TGFB2: variants seen among roughly 807,000 people sequenced by gnomAD.
TGFB2 encodes transforming growth factor beta-2 proprotein.
A neutral mutation model predicts 42.7 loss-of-function variants in TGFB2; 13 were observed. The ratio of observed to expected loss-of-function variants is 0.30; its 90% CI spans 0.20 to 0.48. TGFB2 has a LOEUF of 0.48. Ranked by LOEUF, TGFB2 falls within the 20% of genes least tolerant of loss-of-function variation. The probability of loss-of-function intolerance (pLI) is 0.99; values close to 1 mark genes in which losing one functional copy is unlikely to be tolerated. For missense variants in TGFB2, 390 were observed against 517.5 expected (o/e 0.75, Z 2.39); for synonymous variants, 193 against 193.6 (o/e 1.00, Z 0.03).
chr1:218,368,110 A>G (rs1252929718), intron 1 of TGFB2, among the ~76,000 whole-genome samples: 1 of 142,858 alleles, frequency 7.0e-6, no homozygotes, highest in Non-Finnish European at 1.5e-5. Flanking sequence ...TGAAGAGAGG[A>G]CATTCTTATG....
At position 218,346,480 on chromosome 1, in the gene TGFB2, A is replaced by G. The variant is rs1240647468; in HGVS notation, c.-222A>G. 3 of 494,338 alleles carry G rather than the reference A, an allele frequency of 6.1e-6. No homozygotes were observed. Among genetic ancestry groups the G allele is most frequent in the Non-Finnish European group, 1.0e-5 (3 of 286,600 alleles). The allele number at this position is 494,338 out of a possible 1,614,324, so 30.6% of individuals were successfully genotyped here. On this transcript the variant is annotated 5_prime_UTR_variant, in exon 1 of 7. Coordinates refer to ENST00000366930, the MANE Select transcript of TGFB2 (RefSeq NM_003238.6). This position sits in a 1 kb window ranked among gnomAD's most constrained non-coding sequence, Gnocchi z 4.9. ...GGTTCCCTCTGCCCGTCCCGTATTAATATTTCCACTTTTGGAACTACTGGC... is the reference window on the plus strand; with the variant it reads ...GGTTCCCTCTGCCCGTCCCGTATTAGTATTTCCACTTTTGGAACTACTGGC...
intron 1 of TGFB2, among the ~76,000 whole-genome samples, chr1:218,391,201 C>A (rs767196445): frequency 1.3e-4 from 20 of 152,210 alleles, no homozygotes; most frequent in Non-Finnish European, 1.5e-4. Context: ...TTCCTGAGTT[C>A]TGTCCCACTG....
intron 1 of TGFB2, among the ~76,000 whole-genome samples, chr1:218,367,067 A>G (rs1657409458): frequency 6.6e-6 from 1 of 152,216 alleles, no homozygotes; most frequent in Non-Finnish European, 1.5e-5. Context: ...GCAAGGAAGT[A>G]AATTAATCGT....
chr1:218,389,050 C>A (rs1194163964), intron 1 of TGFB2, among the ~76,000 whole-genome samples: 1 of 152,134 alleles, frequency 6.6e-6, no homozygotes, highest in Non-Finnish European at 1.5e-5. Flanking sequence ...ACTGAGAAGT[C>A]TGGGGGAGTC....
At chr1:218,441,110 G>T in intron 6 of TGFB2, 94 bp from the exon 7 acceptor site, 2 of 1,261,642 alleles carry the variant, frequency 1.6e-6, no homozygotes, top group Middle Eastern at 1.9e-4. Context: ...ACTCAGTGCT[G>T]TGACTGCTAA....
At chr1:218,391,419 G>A (rs1449726802) in intron 1 of TGFB2, among the ~76,000 whole-genome samples, 2 of 152,176 alleles carry the variant, frequency 1.3e-5, no homozygotes, top group African/African-American at 4.8e-5. Flanking sequence ...ACCTCAGAAG[G>A]AATAAGTTCT....
chr1:218,430,155 A>G (rs952987268), intron 2 of TGFB2, among the ~76,000 whole-genome samples: 1 of 152,144 alleles, frequency 6.6e-6, no homozygotes, highest in East Asian at 1.9e-4. Context: ...TCAAGCCTGT[A>G]ATCCTAGCAC....
At chr1:218,385,422 G>C (rs1658100948) in intron 1 of TGFB2, among the ~76,000 whole-genome samples, 1 of 152,236 alleles carries the variant, frequency 6.6e-6, no homozygotes. Context: ...GGTTCACAGA[G>C]CACAGAGGTT....
chr1:218,379,644 G>A lies in TGFB2; in HGVS notation c.347-25525G>A, dbSNP rs959555884. Among the ~76,000 whole-genome samples, 17 of 152,122 alleles carry A rather than the reference G, an allele frequency of 1.1e-4. No homozygotes were observed. The East Asian group carries it at 1.9e-3, about 17-fold the overall frequency. ...TTAAAAGTTCTGAGGTTAAATACCT[G>A]GAAGATAAGATGAAGCCAGTTGAAA... On this transcript the variant is annotated intron_variant, in intron 1 of 6. Coordinates refer to ENST00000366930, the MANE Select transcript of TGFB2 (RefSeq NM_003238.6).
chr1:218,382,513 G>T (rs1657999209), intron 1 of TGFB2, among the ~76,000 whole-genome samples: 1 of 152,186 alleles, frequency 6.6e-6, no homozygotes, highest in Non-Finnish European at 1.5e-5. Flanking sequence ...ATGTGAGACT[G>T]ATAAAGTGAC....
chr1:218,418,338 A>C (rs1385192020), intron 2 of TGFB2, among the ~76,000 whole-genome samples: 2 of 152,220 alleles, frequency 1.3e-5, no homozygotes, highest in Non-Finnish European at 2.9e-5. Flanking sequence ...GCTGGATTTC[A>C]GACTTTCATG....
At chr1:218,410,494 C>G (rs1406719759) in intron 2 of TGFB2, among the ~76,000 whole-genome samples, 1 of 152,170 alleles carries the variant, frequency 6.6e-6, no homozygotes, top group Non-Finnish European at 1.5e-5. Flanking sequence ...CCTGCTTTCT[C>G]TAACCTCTTT....
intron 1 of TGFB2, among the ~76,000 whole-genome samples, chr1:218,375,549 A>G (rs1448701392): frequency 6.6e-6 from 1 of 152,138 alleles, no homozygotes; most frequent in Non-Finnish European, 1.5e-5. Flanking sequence ...TCATTCATTC[A>G]ATCAATCATT....
chr1:218,428,009 T>C (rs1462633099), intron 2 of TGFB2, among the ~76,000 whole-genome samples: 1 of 152,196 alleles, frequency 6.6e-6, no homozygotes, highest in African/African-American at 2.4e-5. Flanking sequence ...TTTCCTGACT[T>C]TTTAATGACT....
chr1:218,359,695 G>A (rs1657150215), intron 1 of TGFB2, among the ~76,000 whole-genome samples: 2 of 152,182 alleles, frequency 1.3e-5, no homozygotes, highest in Non-Finnish European at 2.9e-5. Context: ...GAAACTCATT[G>A]TAGTTCAGTG....
At chr1:218,409,543 A>G (rs1183193978) in intron 2 of TGFB2, among the ~76,000 whole-genome samples, 1 of 152,198 alleles carries the variant, frequency 6.6e-6, no homozygotes, top group Non-Finnish European at 1.5e-5. Context: ...CTATTACAGG[A>G]ATTGATGCCG....
intron 6 of TGFB2, among the ~76,000 whole-genome samples, chr1:218,440,022 C>G (rs568724765): frequency 6.6e-6 from 1 of 152,330 alleles, no homozygotes; most frequent in East Asian, 1.9e-4. Flanking sequence ...GGAAATGTCT[C>G]TGTATCATCA....
rs184632355 is a variant in TGFB2 at position 218,415,014 on chromosome 1, G to T, written c.510+9682G>T. ...AACACAGATTTTGGAGTTGATCAGG[G>T]TGGGTGCAAGGCATAGCTTTGGTCC... On this transcript the variant is annotated intron_variant, in intron 2 of 6. Transcript: ENST00000366930. Among the ~76,000 whole-genome samples the T allele has an allele frequency of 9.1e-4, 139 of 152,252 alleles. 1 individual carries two copies. In the Middle Eastern group the frequency reaches 0.027, roughly 30 times the overall value.
chr1:218,402,728 T>G (rs1658769211), intron 1 of TGFB2, among the ~76,000 whole-genome samples: 1 of 152,190 alleles, frequency 6.6e-6, no homozygotes, highest in Non-Finnish European at 1.5e-5. Context: ...AATGAGATGT[T>G]TACTCTTCCT....
Sources: gnomAD v4.1 joint callset for allele counts (sites outside exome capture counted in the v4.1 genomes callset) on GRCh38, gnomAD v4.1.1 for gene constraint, Gnocchi (gnomAD v3.1) non-coding constraint, MANE v1.5 for transcripts, NCBI Gene and HGNC (gene_info 2026-07-23, HGNC 2026-07-21) for gene names.